The following NOPCHAP1 variants were observed in gnomAD, a reference collection of about 807,000 sequenced individuals.
The protein encoded by NOPCHAP1 is DNA damage-sensitive RNA 1.
A neutral mutation model predicts 14.0 loss-of-function variants in NOPCHAP1; 13 were observed. That is an observed-to-expected ratio of 0.93 (90% CI 0.60 to 1.47). The LOEUF (loss-of-function observed/expected upper bound fraction) is 1.47, where lower values mean the gene tolerates loss of function less well. Among genes scored for constraint, NOPCHAP1 ranks in the 40% most tolerant of loss-of-function variants. The pLI is 0.00. For missense variants in NOPCHAP1, 230 were observed against 226.9 expected, an observed-to-expected ratio of 1.01 and a Z score of -0.09; for synonymous variants, 78 against 78.4, an observed-to-expected ratio of 1.00 and a Z score of 0.03.
At chr12:104,989,008 ATT>A (rs769118200) in intron 2 of NOPCHAP1, among the ~76,000 whole-genome samples, 51 of 143,154 alleles carry the variant, frequency 3.6e-4, no homozygotes, top group African/African-American at 1.1e-3. Flanking sequence ...AGAAGGTGTA[ATT>A]TTTTTTTTTT....
rs575065903 is a variant in NOPCHAP1 at position 105,004,000 on chromosome 12, T to C, written c.*9304T>C. 4 of 152,344 alleles carry C rather than the reference T, an allele frequency of 2.6e-5. No individual in the cohort carries two copies. Among genetic ancestry groups the C allele is most frequent in the Non-Finnish European group, 5.9e-5 (4 of 68,032 alleles). 9.4% of individuals were successfully genotyped at this position (152,344 alleles called of 1,614,324 possible). A position where few individuals can be genotyped will look rare whatever the true frequency, so the allele number is the denominator to read the frequency against. The stretch of plus-strand genomic sequence containing the variant: ...CTGAGGTAGATTGCAGTTTGTTATA[T>C]AGGAACTACAAGTACCAAGGGAGTC... On this transcript the variant is annotated 3_prime_UTR_variant, in exon 4 of 4. Transcript: ENST00000552951.
chr12:104,993,488 G>C (rs542703176), intron 3 of NOPCHAP1, among the ~76,000 whole-genome samples: 2 of 152,138 alleles, frequency 1.3e-5, no homozygotes, highest in Non-Finnish European at 2.9e-5. Context: ...TCTAGAGCAT[G>C]CTCTTCCCCC....
rs115119297 is a variant in NOPCHAP1, at chr12:105,014,085, A to T, written c.*19389A>T. On this transcript the variant is annotated 3_prime_UTR_variant, in exon 4 of 4. Coordinates refer to ENST00000552951, the MANE Select transcript of NOPCHAP1 (RefSeq NM_152318.3). ...ATGGTATCGTGAGTAGATACTTGCA[A>T]CACGAGCTCATCGCAATAGCAACAG... 243 of 152,324 alleles carry T rather than the reference A, an allele frequency of 1.6e-3. No individual in the cohort carries two copies. The highest frequency in any genetic ancestry group is 5.4e-3 in the African/African-American group (225 of 41,586). The allele number at this position is 152,324 out of a possible 1,614,324, so 9.4% of individuals were successfully genotyped here.
chr12:104,988,474 G>A (rs370531003), intron 2 of NOPCHAP1, among the ~76,000 whole-genome samples: 1 of 152,102 alleles, frequency 6.6e-6, no homozygotes, highest in Non-Finnish European at 1.5e-5. Flanking sequence ...ATTGCTTGTG[G>A]GTTGAATTTT....
intron 3 of NOPCHAP1, among the ~76,000 whole-genome samples, chr12:104,993,961 AT>A (rs1873439019): frequency 6.6e-6 from 1 of 152,216 alleles, no homozygotes; most frequent in Non-Finnish European, 1.5e-5. Flanking sequence ...CGTAGCAGAT[AT>A]TTTAGACACT....
At position 104,999,985 on chromosome 12, in the gene NOPCHAP1, A is replaced by G. The variant is rs1232946067; in HGVS notation, c.*5289A>G. The G allele has an allele frequency of 6.6e-6, 1 of 152,108 alleles. No homozygotes were observed. The highest frequency in any genetic ancestry group is 1.5e-5 in the Non-Finnish European group (1 of 68,020). The allele number at this position is 152,108 out of a possible 1,614,324, so 9.4% of individuals were successfully genotyped here. A position where few individuals can be genotyped will look rare whatever the true frequency, so the allele number is the denominator to read the frequency against. ...TGATATCCCAGTCTCTTGGTGGCAGATGTTCCTTCTGGCTGCATCTAGCTG... is the reference window on the plus strand; with the variant it reads ...TGATATCCCAGTCTCTTGGTGGCAGGTGTTCCTTCTGGCTGCATCTAGCTG... On this transcript the variant is annotated 3_prime_UTR_variant, in exon 4 of 4. Coordinates refer to ENST00000552951, the MANE Select transcript of NOPCHAP1 (RefSeq NM_152318.3).
intron 1 of NOPCHAP1, among the ~76,000 whole-genome samples, chr12:104,987,417 G>A (rs1037024838): frequency 6.6e-6 from 1 of 152,212 alleles, no homozygotes; most frequent in African/African-American, 2.4e-5. Context: ...AAGTAGTCTG[G>A]CTCCAGACTC....
rs1033094320 is a variant in NOPCHAP1, at chr12:105,002,791, A to G, written c.*8095A>G. On this transcript the variant is annotated 3_prime_UTR_variant, in exon 4 of 4. Coordinates refer to ENST00000552951, the MANE Select transcript of NOPCHAP1 (RefSeq NM_152318.3). ...TTCTAAAATCTTCAGTACATTTTTGAGTGTTTTCCCTGGGCTAGGGAAGTC... is the reference window on the plus strand; with the variant it reads ...TTCTAAAATCTTCAGTACATTTTTGGGTGTTTTCCCTGGGCTAGGGAAGTC... 2 of 152,066 alleles carry G rather than the reference A, an allele frequency of 1.3e-5. No individual in the cohort carries two copies. Among genetic ancestry groups the G allele is most frequent in the African/African-American group, 4.8e-5 (2 of 41,388 alleles). 9.4% of individuals were successfully genotyped at this position (152,066 alleles called of 1,614,324 possible).
intron 3 of NOPCHAP1, among the ~76,000 whole-genome samples, chr12:104,994,211 G>A (rs1471242482): frequency 6.6e-6 from 1 of 152,076 alleles, no homozygotes; most frequent in Non-Finnish European, 1.5e-5. Flanking sequence ...TGGATGTGAT[G>A]GGGCACACCT....
rs1217800507 is a variant in NOPCHAP1 at position 105,002,287 on chromosome 12, C to G, written c.*7591C>G. Reference sequence around the variant, plus strand: ...TTTAGTCTTTTACTTACTCTATTCTCTCAAAATGTTGGGCTAGGGCCACCA... The same window carrying G: ...TTTAGTCTTTTACTTACTCTATTCTGTCAAAATGTTGGGCTAGGGCCACCA... On this transcript the variant is annotated 3_prime_UTR_variant, in exon 4 of 4. Transcript: ENST00000552951. 6.6e-6 allele frequency: 1 copy of G among 152,198 alleles called. No individual in the cohort carries two copies. The highest frequency in any genetic ancestry group is 2.4e-5 in the African/African-American group (1 of 41,438). The allele number at this position is 152,198 out of a possible 1,614,324, so 9.4% of individuals were successfully genotyped here.
chr12:104,986,408 A>T lies in NOPCHAP1; in HGVS notation c.56A>T (p.Asp19Val), dbSNP rs201369478. The change falls in exon 1 of 4, where the codon GAT becomes GTT. Residue 19 changes from aspartate (D) to valine (V), a missense_variant. Transcript: ENST00000552951. ...CCGAGTTGTTCGTCGCCCACCCGGGATTCCTCAGGAGTCCCAGTGTCCAAG... is the reference window on the plus strand; with the variant it reads ...CCGAGTTGTTCGTCGCCCACCCGGGTTTCCTCAGGAGTCCCAGTGTCCAAG... ...ASPSCSSPTR[D>V]SSGVPVSKEL... is the part of the protein sequence containing the mutation. 6.2e-7 allele frequency: 1 copy of T among 1,611,828 alleles called. No homozygotes were observed. The highest frequency in any genetic ancestry group is 1.7e-5 in the Admixed American group (1 of 59,796).
chr12:105,004,580 AC>A lies in NOPCHAP1; in HGVS notation c.*9886del, dbSNP rs1228594063. 6.6e-6 allele frequency: 1 copy of A among 152,162 alleles called. No individual in the cohort carries two copies. The highest frequency in any genetic ancestry group is 2.4e-5 in the African/African-American group (1 of 41,434). 9.4% of individuals were successfully genotyped at this position (152,162 alleles called of 1,614,324 possible). ...CAAAACAAATAAATAAATAAAAATT[AC>A]CAGTTTTGTTTTAAATTATCTGTTT... On this transcript the variant is annotated 3_prime_UTR_variant, in exon 4 of 4. Coordinates refer to ENST00000552951, the MANE Select transcript of NOPCHAP1 (RefSeq NM_152318.3).
rs2136029072 is a variant in NOPCHAP1, at chr12:104,998,910, C to G, written c.*4214C>G. On this transcript the variant is annotated 3_prime_UTR_variant, in exon 4 of 4. Transcript: ENST00000552951. ...AGTTTCACACCACTGGCAGTGTTGA[C>G]ACAGGGGCAGGGTACTGGTGGCTGC... The G allele has an allele frequency of 6.5e-6, 1 of 153,028 alleles. No individual in the cohort carries two copies. The highest frequency in any genetic ancestry group is 2.1e-4 in the South Asian group (1 of 4,850). The allele number at this position is 153,028 out of a possible 1,614,324, so 9.5% of individuals were successfully genotyped here.
In NOPCHAP1 at chr12:105,007,480, C is replaced by G. The variant is rs1873729828; in HGVS notation, c.*12784C>G. 1 of 152,120 alleles carries G rather than the reference C, an allele frequency of 6.6e-6. No individual in the cohort carries two copies. Among genetic ancestry groups the G allele is most frequent in the Non-Finnish European group, 1.5e-5 (1 of 68,014 alleles). The allele number at this position is 152,120 out of a possible 1,614,324, so 9.4% of individuals were successfully genotyped here. ...ATCACTAGTAGCACTTTATATGGTT[C>G]CTACCTATGGTGTTATTCAAGGTTT... On this transcript the variant is annotated 3_prime_UTR_variant, in exon 4 of 4. Transcript: ENST00000552951.
rs749850380 is a variant in NOPCHAP1, at chr12:104,999,318, G to A, written c.*4622G>A. On this transcript the variant is annotated 3_prime_UTR_variant, in exon 4 of 4. Transcript: ENST00000552951. ...AGTGGGATCAGGTGGTCTGGTGCAC[G>A]GTCTGTTGTGGGTGGGGGTAGTACT... 6 of 152,516 alleles carry A rather than the reference G, an allele frequency of 3.9e-5. No homozygotes were observed. Among genetic ancestry groups the A allele is most frequent in the South Asian group, 2.1e-4 (1 of 4,830 alleles). 9.4% of individuals were successfully genotyped at this position (152,516 alleles called of 1,614,324 possible).
rs1272406801 is a variant in NOPCHAP1, at chr12:104,998,152, A to G, written c.*3456A>G. 1 of 152,242 alleles carries G rather than the reference A, an allele frequency of 6.6e-6. No individual in the cohort carries two copies. The highest frequency in any genetic ancestry group is 1.5e-5 in the Non-Finnish European group (1 of 68,036). 9.4% of individuals were successfully genotyped at this position (152,242 alleles called of 1,614,324 possible). ...GGGTTTGACTTTATCCTGTATGTTG[A>G]TGATCTTCATTCCTGTCTATATTCT... On this transcript the variant is annotated 3_prime_UTR_variant, in exon 4 of 4. Coordinates refer to ENST00000552951, the MANE Select transcript of NOPCHAP1 (RefSeq NM_152318.3).
chr12:105,004,674 T>C lies in NOPCHAP1; in HGVS notation c.*9978T>C, dbSNP rs1473644746. The C allele has an allele frequency of 6.6e-6, 1 of 152,224 alleles. No individual in the cohort carries two copies. Among genetic ancestry groups the C allele is most frequent in the East Asian group, 1.9e-4 (1 of 5,202 alleles). The allele number at this position is 152,224 out of a possible 1,614,324, so 9.4% of individuals were successfully genotyped here. On this transcript the variant is annotated 3_prime_UTR_variant, in exon 4 of 4. Transcript: ENST00000552951. ...CTTGTCACCATCAAGATGGGTTTAATGAGGGAGGAATATGTGAAAAAGAAA... is the reference window on the plus strand; with the variant it reads ...CTTGTCACCATCAAGATGGGTTTAACGAGGGAGGAATATGTGAAAAAGAAA...
rs1453864726 is a variant in NOPCHAP1 at position 105,000,049 on chromosome 12, G to A, written c.*5353G>A. 6.6e-6 allele frequency: 1 copy of A among 152,170 alleles called. No individual in the cohort carries two copies. Among genetic ancestry groups the A allele is most frequent in the Non-Finnish European group, 1.5e-5 (1 of 68,034 alleles). The allele number at this position is 152,170 out of a possible 1,614,324, so 9.4% of individuals were successfully genotyped here. ...CAACCTGTTCCCTTTATAGCATAAT[G>A]TGTATAACCACATTTAGTGGAAAAG... On this transcript the variant is annotated 3_prime_UTR_variant, in exon 4 of 4. Coordinates refer to ENST00000552951, the MANE Select transcript of NOPCHAP1 (RefSeq NM_152318.3).
At chr12:104,988,135 A>C (rs1400905604) in intron 1 of NOPCHAP1, 32 bp from the exon 2 acceptor site, 1 of 1,518,526 alleles carries the variant, frequency 6.6e-7, no homozygotes, top group South Asian at 1.1e-5. Flanking sequence ...TGCTGTAGTA[A>C]ATTAAGGGTG....
Sources: gnomAD v4.1 joint callset for allele counts (sites outside exome capture counted in the v4.1 genomes callset) on GRCh38, gnomAD v4.1.1 for gene constraint, MANE v1.5 for transcripts, NCBI Gene and HGNC (gene_info 2026-07-23, HGNC 2026-07-21) for gene names.